EDEM2: variants seen among roughly 807,000 people sequenced by gnomAD.
EDEM2 encodes the protein ER degradation enhancing alpha-mannosidase like protein 2, also known as ER degradation-enhancing alpha-mannosidase-like protein 2.
EDEM2 carries 39 observed loss-of-function variants against 64.8 expected under a neutral mutation model. The observed-to-expected ratio is 0.60, with a 90% CI of 0.47 to 0.79. The LOEUF (loss-of-function observed/expected upper bound fraction) is 0.79, where lower values mean the gene tolerates loss of function less well. Ranked by LOEUF, EDEM2 falls within the 30% of genes least tolerant of loss-of-function variation. The pLI, the probability that EDEM2 is intolerant of heterozygous loss-of-function variation, is 0.00. For missense variants in EDEM2, 609 were observed against 731.3 expected, an observed-to-expected ratio of 0.83 and a Z score of 1.93; for synonymous variants, 296 against 291.5, an observed-to-expected ratio of 1.02 and a Z score of -0.16.
At chr20:35,142,327 C>T (rs2085666153) in intron 4 of EDEM2, 46 bp downstream of exon 4, 1 of 1,507,856 alleles carries the variant, frequency 6.6e-7, no homozygotes, top group Admixed American at 1.8e-5. Context: ...ACAGAGGCAA[C>T]TTCACACTCT....
At chr20:35,129,583 A>C (rs1007429488) in intron 7 of EDEM2, among the ~76,000 whole-genome samples, 5 of 152,112 alleles carry the variant, frequency 3.3e-5, no homozygotes, top group Admixed American at 3.3e-4. Flanking sequence ...AAAAAAAAAA[A>C]AAATTTATTA....
chr20:35,130,870 C>A (rs931247934), intron 7 of EDEM2, among the ~76,000 whole-genome samples: 2 of 152,144 alleles, frequency 1.3e-5, no homozygotes, highest in Non-Finnish European at 2.9e-5. Context: ...TATTACCTAC[C>A]ACATGTAAAG....
chr20:35,144,921 G>A, intron 3 of EDEM2, 58 bp downstream of exon 3: 1 of 1,578,734 alleles, frequency 6.3e-7, no homozygotes, highest in South Asian at 1.1e-5. Context: ...GCTGCCAAAA[G>A]AGGAAGGATG....
intron 9 of EDEM2, among the ~76,000 whole-genome samples, chr20:35,122,368 A>T (rs1176929194): frequency 1.3e-5 from 2 of 151,912 alleles, no homozygotes; most frequent in African/African-American, 4.8e-5. Flanking sequence ...TCTTATTTTT[A>T]AAATTTACTT....
At chr20:35,146,755 C>A in intron 2 of EDEM2, 70 bp downstream of exon 2, 4 of 1,538,112 alleles carry the variant, frequency 2.6e-6, no homozygotes. Context: ...GCCACCAGCC[C>A]CAGCTGACCC....
In EDEM2 at chr20:35,128,921, T is replaced by A. The variant is rs923111629; in HGVS notation, c.845-2546A>T. ...ATTACAAATGAGTCAAAAAGTTTTTTAAAATTTTAAAGTTCATAAAGTAAA... is the reference window on the plus strand; with the variant it reads ...ATTACAAATGAGTCAAAAAGTTTTTAAAAATTTTAAAGTTCATAAAGTAAA... On this transcript the variant is annotated intron_variant, in intron 7 of 10. Transcript: ENST00000374492. 3.5e-5 allele frequency among the ~76,000 whole-genome samples: 5 copies of A among 143,418 alleles called. 1 individual carries two copies. Among genetic ancestry groups the A allele is most frequent in the Non-Finnish European group, 7.6e-5 (5 of 65,914 alleles). 94.1% of individuals were successfully genotyped at this position (143,418 alleles called of 152,430 possible).
intron 4 of EDEM2, among the ~76,000 whole-genome samples, chr20:35,140,605 G>C (rs1335351426): frequency 6.6e-6 from 1 of 152,178 alleles, no homozygotes; most frequent in Non-Finnish European, 1.5e-5. Context: ...TAGCATATAG[G>C]TCAGGATGTT....
intron 6 of EDEM2, 106 bp from the exon 7 acceptor site, chr20:35,131,889 CA>C: frequency 7.2e-7 from 1 of 1,382,348 alleles, no homozygotes; most frequent in Non-Finnish European, 9.8e-7. Flanking sequence ...GCAGGTGCCC[CA>C]GTGCTTCTTG....
In EDEM2 at chr20:35,134,949, G is replaced by A. The variant is rs1197764467; in HGVS notation, c.491C>T (p.Ala164Val). The A allele has an allele frequency of 6.2e-7, 1 of 1,613,758 alleles. No homozygotes were observed. The highest frequency in any genetic ancestry group is 1.1e-5 in the South Asian group (1 of 91,078). Residue 164 changes from alanine to valine, a missense_variant and splice_region_variant, in exon 6 of 11, where the codon GCC becomes GTC. Transcript: ENST00000374492. ...TGGCATGCCAGTGGGGGTCTGAAAG[G>A]CTGAACAATCGACAAATTATGATCC... ...AEEAARKLLP[A>V]FQTPTGMPYG...
At chr20:35,126,009 T>G (rs753567390) in intron 8 of EDEM2, among the ~76,000 whole-genome samples, 5 of 152,128 alleles carry the variant, frequency 3.3e-5, no homozygotes, top group Non-Finnish European at 7.3e-5. Flanking sequence ...AGACTGGAAA[T>G]GCACTGTCGA....
rs1016053394 is a variant in EDEM2, at chr20:35,123,833, T to G, written c.1114+57A>C. ...GAGGATGGAGCCTTGTAGAGGGGAT[T>G]TGGGGTTTCAGCAACCAGAGCCTGT... On this transcript the variant is annotated intron_variant, in intron 9 of 10. Transcript: ENST00000374492. 4.4e-6 allele frequency: 7 copies of G among 1,592,350 alleles called. No individual in the cohort carries two copies. In the African/African-American group the frequency reaches 8.0e-5, roughly 18 times the overall value.
At chr20:35,115,974 A>C in intron 10 of EDEM2, 41 bp from the exon 11 acceptor site, 1 of 1,588,284 alleles carries the variant, frequency 6.3e-7, no homozygotes, top group Non-Finnish European at 8.6e-7. Context: ...ACACCATCAC[A>C]ATTTAGTAGT....
At chr20:35,123,305 A>T (rs1192263424) in intron 9 of EDEM2, among the ~76,000 whole-genome samples, 1 of 152,174 alleles carries the variant, frequency 6.6e-6, no homozygotes, top group Admixed American at 6.6e-5. Context: ...TTGAAAGAGC[A>T]TATGGGGCCA....
At chr20:35,118,521 A>G in intron 10 of EDEM2, 77 bp downstream of exon 10, 1 of 1,603,744 alleles carries the variant, frequency 6.2e-7, no homozygotes, top group Non-Finnish European at 8.5e-7. Flanking sequence ...CAGAACTCCC[A>G]AAGCTCTACC....
intron 4 of EDEM2, 103 bp from the exon 5 acceptor site, chr20:35,138,108 G>T: frequency 6.8e-7 from 1 of 1,462,988 alleles, no homozygotes; most frequent in Non-Finnish European, 9.2e-7. Context: ...CTATTGTGGG[G>T]CGCATGTTCT....
At position 35,115,638 on chromosome 20, in the gene EDEM2, C is replaced by G. The variant is rs1311686322; in HGVS notation, c.1532G>C (p.Ser511Thr). 1.2e-6 allele frequency: 2 copies of G among 1,612,964 alleles called. No individual in the cohort carries two copies. Among genetic ancestry groups the G allele is most frequent in the Admixed American group, 3.3e-5 (2 of 59,994 alleles). Residue 511 changes from serine (S) to threonine (T), a missense_variant, in exon 11 of 11, where the codon AGC (serine) becomes ACC (threonine). Physicochemically the swap from Ser to Thr is moderately conservative, Grantham distance 58. Coordinates refer to ENST00000374492, the MANE Select transcript of EDEM2 (RefSeq NM_018217.3). ...LMREFYSLKR[S>T]RSKFQKNTVS... ...AGTGTTTTTCTGAAATTTCGACCTG[C>G]TCCGTTTGAGAGAGTAGAATTCCCT...
At position 35,142,467 on chromosome 20, in the gene EDEM2, A is replaced by G. The variant is rs2085669720; in HGVS notation, c.270T>C (p.Asn90=). The G allele has an allele frequency of 6.2e-7, 1 of 1,613,320 alleles. No individual in the cohort carries two copies. Among genetic ancestry groups the G allele is most frequent in the Non-Finnish European group, 8.5e-7 (1 of 1,179,728 alleles). Residue 90 remains asparagine, a synonymous_variant, in exon 4 of 11, where the codon AAT becomes AAC. Coordinates refer to ENST00000374492, the MANE Select transcript of EDEM2 (RefSeq NM_018217.3). ...DALDTLLILG[N]VSEFQRVVEV... is the part of the protein sequence containing the mutation. The stretch of plus-strand genomic sequence containing the variant: ...CAACCACTCTTTGGAATTCTGAGAC[A>G]TTCCCCAAAATCTGGAAATAAAAAA...
In EDEM2 at chr20:35,133,473, T is replaced by TC. The variant is rs1162870356; in HGVS notation, c.702+1264_702+1265insG. On this transcript the variant is annotated intron_variant, in intron 6 of 10. Coordinates refer to ENST00000374492, the MANE Select transcript of EDEM2 (RefSeq NM_018217.3). ...TACAGGTCTCCAGCGGGGCACCTTT[T>TC]TTTTTTTTTTGAGATGGAGTTTCGC... Among the ~76,000 whole-genome samples, 4 of 151,806 alleles carry TC rather than the reference T, an allele frequency of 2.6e-5. No individual in the cohort carries two copies. The East Asian group carries it at 7.7e-4, about 29-fold the overall frequency.
intron 7 of EDEM2, among the ~76,000 whole-genome samples, chr20:35,130,283 T>C (rs1338505028): frequency 1.3e-5 from 2 of 152,072 alleles, no homozygotes; most frequent in East Asian, 3.9e-4. Context: ...TTGCCCAGGC[T>C]GATCTTGAAC....
Sources: allele counts gnomAD v4.1 joint callset (sites outside exome capture counted in the v4.1 genomes callset), GRCh38; gene constraint gnomAD v4.1.1; transcripts MANE v1.5; gene names NCBI Gene and HGNC (gene_info 2026-07-23, HGNC 2026-07-21).